The following MYH6 variants were observed in gnomAD, a reference collection of about 807,000 sequenced individuals.
MYH6 encodes myosin heavy chain 6.
MYH6 carries 126 observed loss-of-function variants against 223.2 expected under a neutral mutation model. The observed-to-expected ratio is 0.56, with a 90% CI of 0.49 to 0.65. The LOEUF is 0.65. MYH6 is among the 30% of genes least tolerant of loss of function. The pLI is 0.00. For synonymous variants in MYH6, 978 were observed against 1,010.2 expected, an observed-to-expected ratio of 0.97 and a Z score of 0.61; for missense variants, 2,040 against 2,536.4, an observed-to-expected ratio of 0.80 and a Z score of 4.20.
chr14:23,402,238 A>C (rs964060712), intron 12 of MYH6, among the ~76,000 whole-genome samples: 10 of 152,160 alleles, frequency 6.6e-5, no homozygotes, highest in Admixed American at 1.3e-4. Context: ...AGTCTTGGGC[A>C]CAGGAGGAAA....
intron 29 of MYH6, chr14:23,388,643 C>T: frequency 2.2e-6 from 2 of 890,776 alleles, no homozygotes; most frequent in South Asian, 1.3e-5. Flanking sequence ...TCAGGTATAA[C>T]CCGGGCCAAA....
chr14:23,393,064 G>A lies in MYH6; in HGVS notation c.3106-7C>T, dbSNP rs2138597656. ...GCTCTAGGGATCCCTCCAGCTGTTGGAGGGAAGAAAATAAGCAAAGTGTGG... is the reference window on the plus strand; with the variant it reads ...GCTCTAGGGATCCCTCCAGCTGTTGAAGGGAAGAAAATAAGCAAAGTGTGG... On this transcript the variant is annotated splice_region_variant and splice_polypyrimidine_tract_variant and intron_variant, in intron 23 of 38. Coordinates refer to ENST00000405093, the MANE Select transcript of MYH6 (RefSeq NM_002471.4). The A allele has an allele frequency of 1.2e-6, 2 of 1,614,136 alleles. No individual in the cohort carries two copies. Among genetic ancestry groups the A allele is most frequent in the Non-Finnish European group, 8.5e-7 (1 of 1,180,026 alleles).
At chr14:23,404,272 C>G in intron 8 of MYH6, 24 bp downstream of exon 8, 1 of 1,613,292 alleles carries the variant, frequency 6.2e-7, no homozygotes, top group South Asian at 1.1e-5. Flanking sequence ...GATGAGGCCA[C>G]TGGGAGTGGT....
At chr14:23,393,286 T>C in intron 23 of MYH6, 56 bp downstream of exon 23, 1 of 1,607,780 alleles carries the variant, frequency 6.2e-7, no homozygotes, top group Non-Finnish European at 8.5e-7. Context: ...TCTGGGCCAT[T>C]GGTGTTGCCT....
Position 23,384,820 on chromosome 14 carries a change from T to C in MYH6, c.5289+96A>G, listed in dbSNP as rs183605033. 949 of 1,613,308 alleles carry C rather than the reference T, an allele frequency of 5.9e-4. 3 individuals are homozygous for C. Among genetic ancestry groups the C allele is most frequent in the Middle Eastern group, 3.8e-3 (20 of 5,318 alleles). On this transcript the variant is annotated intron_variant, in intron 35 of 38. Transcript: ENST00000405093. ...CATCAGGCCCTCAAATCCACAGAAC[T>C]GCAGAGTTGGCTTGGTGTTACAGCA...
At position 23,388,504 on chromosome 14, in the gene MYH6, C is replaced by T. The variant is rs1891112435; in HGVS notation, c.4176-166G>A. The T allele has an allele frequency of 1.0e-5, 12 of 1,182,896 alleles. No homozygotes were observed. In the East Asian group the frequency reaches 2.1e-4, roughly 21 times the overall value. 73.3% of individuals were successfully genotyped at this position (1,182,896 alleles called of 1,614,324 possible). ...CTGGAACAGAGTCCGCCAGCACGGGCTGCCCAGGCGTCCTCCCTACCTGCA... is the reference window on the plus strand; with the variant it reads ...CTGGAACAGAGTCCGCCAGCACGGGTTGCCCAGGCGTCCTCCCTACCTGCA... On this transcript the variant is annotated intron_variant, in intron 29 of 38. Transcript: ENST00000405093.
In MYH6 at chr14:23,392,619, C is replaced by A. The variant is rs864309578; in HGVS notation, c.3285G>T (p.Lys1095Asn). The change falls in exon 25 of 39, where the codon AAG becomes AAT. Residue 1095 changes from lysine to asparagine, a missense_variant. Lys to Asn is a moderately conservative substitution (Grantham distance 94). Around this residue, in one of 4 missense-constraint regions of MYH6, gnomAD observed 1,203 missense variants for 1,400.2 expected, o/e 0.86. Coordinates refer to ENST00000405093, the MANE Select transcript of MYH6 (RefSeq NM_002471.4). ...KEFDINQQNSKIEDEQVLALQ... is the reference protein window; with the variant it reads ...KEFDINQQNSNIEDEQVLALQ... ...GGGCCAGCACCTGCTCATCCTCAATCTTACTGTTCTGCTGATTAATGTCAA... is the reference window on the plus strand; with the variant it reads ...GGGCCAGCACCTGCTCATCCTCAATATTACTGTTCTGCTGATTAATGTCAA... 5.9e-6 allele frequency: 9 copies of A among 1,517,504 alleles called. No individual in the cohort carries two copies. In the Middle Eastern group the frequency reaches 1.4e-3, roughly 235 times the overall value. 94.0% of individuals were successfully genotyped at this position (1,517,504 alleles called of 1,614,324 possible). A position where few individuals can be genotyped will look rare whatever the true frequency, so the allele number is the denominator to read the frequency against.
intron 25 of MYH6, among the ~76,000 whole-genome samples, chr14:23,392,214 T>A (rs1891254653): frequency 6.6e-6 from 1 of 151,858 alleles, no homozygotes; most frequent in Non-Finnish European, 1.5e-5. Flanking sequence ...AGCCTTTTTT[T>A]TTTTTCACCC....
Position 23,399,278 on chromosome 14 carries a change from C to G in MYH6, c.1582-241G>C, listed in dbSNP as rs375611668. Among the ~76,000 whole-genome samples, 60 of 152,274 alleles carry G rather than the reference C, an allele frequency of 3.9e-4. 1 individual carries two copies. In the South Asian group the frequency reaches 4.1e-3, roughly 11 times the overall value. On this transcript the variant is annotated intron_variant, in intron 14 of 38. Coordinates refer to ENST00000405093, the MANE Select transcript of MYH6 (RefSeq NM_002471.4). ...GAGTCATGCACTCCTAATCACCCCC[C>G]ACAAGGCCCACAGTGCCTCACAGCA...
intron 12 of MYH6, among the ~76,000 whole-genome samples, chr14:23,402,011 G>A (rs1478564458): frequency 1.3e-5 from 2 of 152,212 alleles, no homozygotes; most frequent in Admixed American, 6.5e-5. Flanking sequence ...CCTCACAGTA[G>A]CCACCAGAGG....
At position 23,397,932 on chromosome 14, in the gene MYH6, C is replaced by CTCTTCTTCTTCTTCTTCT. The variant is rs55907025; in HGVS notation, c.1892-337_1892-320dup. ...AGTTCTCCTCCTCCTCCTCCTCCTC[C>CTCTTCTTCTTCTTCTTCT]TCTTCTTCTTCTTCTTCTTCTTCTT... On this transcript the variant is annotated intron_variant, in intron 15 of 38. Transcript: ENST00000405093. 3.4e-4 allele frequency among the ~76,000 whole-genome samples: 31 copies of CTCTTCTTCTTCTTCTTCT among 90,218 alleles called. 1 individual carries two copies. The highest frequency in any genetic ancestry group is 8.6e-4 in the South Asian group (2 of 2,332). 59.2% of individuals were successfully genotyped at this position (90,218 alleles called of 152,430 possible).
chr14:23,398,237 C>T (rs752013350), intron 15 of MYH6, among the ~76,000 whole-genome samples: 1 of 152,134 alleles, frequency 6.6e-6, no homozygotes, highest in Non-Finnish European at 1.5e-5. Flanking sequence ...AGACTGGTCT[C>T]GAACTCCTGA....
At position 23,403,965 on chromosome 14, in the gene MYH6, G is replaced by A. The variant is rs529975141; in HGVS notation, c.736-187C>T. ...ACACACTGTGCAGGGACCTCCTAGT[G>A]GAACCTCGGCCCAGAGGGGAACACA... On this transcript the variant is annotated intron_variant, in intron 8 of 38. Transcript: ENST00000405093. 2.0e-5 allele frequency among the ~76,000 whole-genome samples: 3 copies of A among 152,290 alleles called. No homozygotes were observed. The East Asian group carries it at 5.8e-4, about 29-fold the overall frequency.
At position 23,402,700 on chromosome 14, in the gene MYH6, G is replaced by T. The variant is rs78107039; in HGVS notation, c.999C>A (p.Thr333=). ...CCGCAGCAGCCCCCTCACTCACATC[G>T]GTGGCCATGAGCTCCTCGGAGTCAT... is the stretch of plus-strand genomic sequence containing the variant. ...SIDDSEELMA[T]DSAFDVLGFT... is the part of the protein sequence containing the mutation. Residue 333 remains threonine, a synonymous_variant, in exon 11 of 39, where the codon ACC becomes ACA. Coordinates refer to ENST00000405093, the MANE Select transcript of MYH6 (RefSeq NM_002471.4). 2 of 1,613,300 alleles carry T rather than the reference G, an allele frequency of 1.2e-6. No individual in the cohort carries two copies. Among genetic ancestry groups the T allele is most frequent in the Non-Finnish European group, 1.7e-6 (2 of 1,179,898 alleles).
chr14:23,403,751 C>T lies in MYH6; in HGVS notation c.763G>A (p.Ala255Thr), dbSNP rs1891686058. The T allele has an allele frequency of 1.2e-6, 2 of 1,612,686 alleles. No individual in the cohort carries two copies. The highest frequency in any genetic ancestry group is 1.7e-6 in the Non-Finnish European group (2 of 1,179,454). ...FGKFIRIHFG[A>T]TGKLASADIE... ...TCTGCAGAAGCCAGCTTTCCAGTGG[C>T]CCCAAAGTGGATCCTAATGAATTTC... Residue 255 changes from alanine (A) to threonine (T), a missense_variant, in exon 9 of 39, where the codon GCC becomes ACC. Transcript: ENST00000405093.
Position 23,384,659 on chromosome 14 carries a change from C to G in MYH6, c.5348G>C (p.Arg1783Pro), listed in dbSNP as rs745473249. The change falls in exon 36 of 39, where the codon CGC becomes CCC. Residue 1783 changes from arginine to proline, a missense_variant. Arg to Pro is a moderately radical substitution (Grantham distance 103). Transcript: ENST00000405093. ...KEQDTSAHLE[R>P]MKKNMEQTIK... ...GGTCTGCTCCATGTTCTTCTTCATG[C>G]GCTCCAGGTGGGCGCTGGTGTCCTG... 6.2e-7 allele frequency: 1 copy of G among 1,614,098 alleles called. No individual in the cohort carries two copies. Among genetic ancestry groups the G allele is most frequent in the African/African-American group, 1.3e-5 (1 of 74,944 alleles).
At position 23,400,957 on chromosome 14, in the gene MYH6, G is replaced by A; in HGVS notation, c.1162C>T (p.Leu388Phe). 1.2e-6 allele frequency: 2 copies of A among 1,614,194 alleles called. No individual in the cohort carries two copies. The highest frequency in any genetic ancestry group is 2.2e-5 in the East Asian group (1 of 44,888). ...AGGTCAGCTGAGTTCAGCCCCATGA[G>A]GTAGGCCGACTTGTCAGCATCTGGT... ...GTEDADKSAYLMGLNSADLLK... is the reference protein window; with the variant it reads ...GTEDADKSAYFMGLNSADLLK... The change falls in exon 13 of 39, where the codon CTC (leucine) becomes TTC (phenylalanine). Residue 388 changes from leucine to phenylalanine, a missense_variant. Physicochemically the swap from Leu to Phe is conservative, Grantham distance 22. Around this residue, in one of 4 missense-constraint regions of MYH6, gnomAD observed 649 missense variants for 877.3 expected, o/e 0.74. Transcript: ENST00000405093.
At chr14:23,402,050 C>G (rs1286774308) in intron 12 of MYH6, among the ~76,000 whole-genome samples, 3 of 152,212 alleles carry the variant, frequency 2.0e-5, no homozygotes, top group African/African-American at 7.2e-5. Flanking sequence ...ATCCATTTCA[C>G]TGAGGAGGAA....
Position 23,405,156 on chromosome 14 carries a change from G to C in MYH6, c.503-29C>G, listed in dbSNP as rs1349451485. On this transcript the variant is annotated intron_variant, in intron 5 of 38. Coordinates refer to ENST00000405093, the MANE Select transcript of MYH6 (RefSeq NM_002471.4). The surrounding 1 kb of genome is among the most constrained non-coding windows in gnomAD (Gnocchi z 4.7). ...GAAGAAAAAAGAGGAGAAGCAATGG[G>C]GTCAGGGCTGAGGATCTGGGTGGGT... 2 of 1,614,050 alleles carry C rather than the reference G, an allele frequency of 1.2e-6. No homozygotes were observed. Among genetic ancestry groups the C allele is most frequent in the East Asian group, 2.2e-5 (1 of 44,888 alleles).
Sources: allele counts gnomAD v4.1 joint callset (sites outside exome capture counted in the v4.1 genomes callset), GRCh38; gene constraint gnomAD v4.1.1; regional missense constraint gnomAD v4.1.1; non-coding constraint Gnocchi (gnomAD v3.1); transcripts MANE v1.5; gene names NCBI Gene and HGNC (gene_info 2026-07-23, HGNC 2026-07-21).